The following ST7 variants were observed in gnomAD, a reference collection of about 807,000 sequenced individuals.
The protein encoded by ST7 is suppressor of tumorigenicity 7 protein.
Under a neutral mutation model 78.7 loss-of-function variants are expected in ST7, and 28 were observed. The ratio of observed to expected loss-of-function variants is 0.36; its 90% CI spans 0.26 to 0.49. The LOEUF (loss-of-function observed/expected upper bound fraction) is 0.49. ST7 is among the 20% of genes least tolerant of loss of function. The pLI is 0.99. For synonymous variants in ST7, 247 were observed against 249.6 expected (o/e 0.99, Z 0.10); for missense variants, 418 against 696.0 (o/e 0.60, Z 4.49).
intron 9 of ST7, among the ~76,000 whole-genome samples, chr7:117,147,995 A>T (rs2117135390): frequency 6.6e-6 from 1 of 152,316 alleles, no homozygotes; most frequent in South Asian, 2.1e-4. Context: ...TTTGAAGGGA[A>T]TATAATCCCT....
At chr7:117,155,807 A>T (rs1438813135) in intron 9 of ST7, among the ~76,000 whole-genome samples, 1 of 152,214 alleles carries the variant, frequency 6.6e-6, no homozygotes, top group Non-Finnish European at 1.5e-5. Flanking sequence ...AAACTCTAAA[A>T]GTGGCCTACA....
chr7:117,093,663 T>C (rs1477407023), intron 1 of ST7, among the ~76,000 whole-genome samples: 1 of 152,064 alleles, frequency 6.6e-6, no homozygotes, highest in Non-Finnish European at 1.5e-5. Context: ...ATCGCACCAC[T>C]GTACTCCAGC....
At chr7:117,002,813 C>CTTTTTTTTTTTTTTT (rs397970060) in intron 1 of ST7, among the ~76,000 whole-genome samples, 2 of 72,148 alleles carry the variant, frequency 2.8e-5, no homozygotes, top group East Asian at 5.1e-4. Context: ...ATTTTTTTTC[C>CTTTTTTTTTTTTTTT]TTTTTTTTTT....
At position 117,098,822 on chromosome 7, in the gene ST7, A is replaced by G. The variant is rs769912697; in HGVS notation, c.152-940A>G. 1.7e-5 allele frequency: 22 copies of G among 1,302,686 alleles called. No individual in the cohort carries two copies. In the South Asian group the frequency reaches 2.5e-4, roughly 15 times the overall value. The allele number at this position is 1,302,686 out of a possible 1,614,324, so 80.7% of individuals were successfully genotyped here. On this transcript the variant is annotated intron_variant, in intron 1 of 15. Coordinates refer to ENST00000323984, the MANE Select transcript of ST7 (RefSeq NM_001369598.1). ...TACTCCCACAAAAAGCCCAGTAAGT[A>G]TGTGGTGGTTTTGATAATAATAAAA... is the stretch of plus-strand genomic sequence containing the variant.
intron 1 of ST7, among the ~76,000 whole-genome samples, chr7:117,016,292 G>C (rs1795611826): frequency 6.6e-6 from 1 of 152,064 alleles, no homozygotes; most frequent in Non-Finnish European, 1.5e-5. Flanking sequence ...CTTTTTAGAA[G>C]GTTCGCTTTA....
At chr7:116,966,797 G>T (rs1793140208) in intron 1 of ST7, among the ~76,000 whole-genome samples, 1 of 152,188 alleles carries the variant, frequency 6.6e-6, no homozygotes, top group Non-Finnish European at 1.5e-5. Context: ...TTTTCACCTT[G>T]CATTTAATTG....
intron 8 of ST7, chr7:117,137,254 T>C (rs1389257340): frequency 2.0e-5 from 3 of 152,170 alleles, no homozygotes; most frequent in Non-Finnish European, 4.4e-5. Context: ...TGCATATACA[T>C]GAGTATGTCC....
At chr7:117,210,696 AAGT>A (rs1484795093) in intron 13 of ST7, among the ~76,000 whole-genome samples, 1 of 152,264 alleles carries the variant, frequency 6.6e-6, no homozygotes, top group East Asian at 1.9e-4. Flanking sequence ...AGCCTTGAAG[AAGT>A]AGGACATTAT....
intron 1 of ST7, among the ~76,000 whole-genome samples, chr7:117,073,507 G>A (rs1799126083): frequency 6.6e-6 from 1 of 152,180 alleles, no homozygotes. Flanking sequence ...TGCCTAAAGT[G>A]GTAACATGTC....
chr7:117,056,793 A>G (rs1004625756), intron 1 of ST7, among the ~76,000 whole-genome samples: 1 of 152,174 alleles, frequency 6.6e-6, no homozygotes, highest in African/African-American at 2.4e-5. Flanking sequence ...CTACATTGTA[A>G]TTGTTCATAA....
At chr7:117,208,288 A>G (rs1026735698) in intron 12 of ST7, among the ~76,000 whole-genome samples, 5 of 152,154 alleles carry the variant, frequency 3.3e-5, no homozygotes, top group Non-Finnish European at 7.3e-5. Flanking sequence ...GAGTTCCACC[A>G]AAATAACAAA....
intron 9 of ST7, among the ~76,000 whole-genome samples, chr7:117,154,018 C>T (rs902355187): frequency 2.6e-5 from 4 of 152,016 alleles, no homozygotes; most frequent in Non-Finnish European, 5.9e-5. Flanking sequence ...AGGAGTGCAG[C>T]GTGATGAATT....
At chr7:116,983,732 C>A (rs1042656239) in intron 1 of ST7, among the ~76,000 whole-genome samples, 8 of 152,136 alleles carry the variant, frequency 5.3e-5, no homozygotes, top group Non-Finnish European at 1.2e-4. Context: ...AGCATAGATA[C>A]CTACCTCGCT....
In ST7 at chr7:117,165,868, G is replaced by A. The variant is rs74688382; in HGVS notation, c.964-4994G>A. On this transcript the variant is annotated intron_variant, in intron 9 of 15. Transcript: ENST00000323984. ...CTTGGAACATGAGTGAACATGGCCT[G>A]TTTAAGGAACTGAAAGCTGTTCTAT... Among the ~76,000 whole-genome samples, 871 of 152,294 alleles carry A rather than the reference G, an allele frequency of 5.7e-3. 7 individuals carry two copies. The highest frequency in any genetic ancestry group is 0.02 in the African/African-American group (829 of 41,568).
At chr7:117,063,631 C>T (rs1798472650) in intron 1 of ST7, among the ~76,000 whole-genome samples, 1 of 152,052 alleles carries the variant, frequency 6.6e-6, no homozygotes, top group African/African-American at 2.4e-5. Flanking sequence ...ATCATCTGAG[C>T]CTGGGAGGGT....
chr7:117,185,194 T>C (rs929861720), intron 10 of ST7, among the ~76,000 whole-genome samples: 1 of 152,182 alleles, frequency 6.6e-6, no homozygotes, highest in Non-Finnish European at 1.5e-5. Flanking sequence ...AGGCATACTG[T>C]AAATAGAACA....
intron 1 of ST7, among the ~76,000 whole-genome samples, chr7:117,087,484 A>G (rs1432478292): frequency 1.3e-5 from 2 of 152,214 alleles, no homozygotes; most frequent in Non-Finnish European, 2.9e-5. Flanking sequence ...CCATACATAC[A>G]TCTTTAAAAG....
At chr7:117,187,628 A>G (rs1464568733) in intron 10 of ST7, 2 of 152,138 alleles carry the variant, frequency 1.3e-5, no homozygotes. Flanking sequence ...TGTCCATTTG[A>G]TTGATTAGAT....
chr7:117,171,980 C>T (rs1808028223), intron 10 of ST7, among the ~76,000 whole-genome samples: 1 of 149,706 alleles, frequency 6.7e-6, no homozygotes, highest in Non-Finnish European at 1.5e-5. Context: ...ATAGGGCCTT[C>T]CTCTCTGTCA....
Sources: allele counts gnomAD v4.1 joint callset (sites outside exome capture counted in the v4.1 genomes callset), GRCh38; gene constraint gnomAD v4.1.1; transcripts MANE v1.5; gene names NCBI Gene and HGNC (gene_info 2026-07-23, HGNC 2026-07-21).